Variants in ARHGEF7 observed in about 807,000 individuals in gnomAD.
ARHGEF7 encodes Rho guanine nucleotide exchange factor 7, also known as PAK-interacting exchange factor beta.
Under a neutral mutation model 109.8 loss-of-function variants are expected in ARHGEF7, and 33 were observed. That is an observed-to-expected ratio of 0.30 (90% CI 0.23 to 0.40). The LOEUF (loss-of-function observed/expected upper bound fraction) is 0.40, where lower values mean the gene tolerates loss of function less well. Ranked by LOEUF, ARHGEF7 falls within the 10% of genes least tolerant of loss-of-function variation. The pLI is 1.00. For missense variants in ARHGEF7, 938 were observed against 1,098.5 expected (o/e 0.85, Z 2.07); for synonymous variants, 458 against 424.6 (o/e 1.08, Z -0.97).
At chr13:111,299,030 A>G (rs2093492440) in intron 19 of ARHGEF7, among the ~76,000 whole-genome samples, 1 of 152,156 alleles carries the variant, frequency 6.6e-6, no homozygotes, top group Non-Finnish European at 1.5e-5. Flanking sequence ...CTTTCCCAGG[A>G]CGTCATCTTA....
rs1047325061 is a variant in ARHGEF7 at position 111,272,327 on chromosome 13, C to T, written c.1074-1487C>T. 2.0e-5 allele frequency among the ~76,000 whole-genome samples: 3 copies of T among 152,158 alleles called. No individual in the cohort carries two copies. The highest frequency in any genetic ancestry group is 6.5e-5 in the Admixed American group (1 of 15,282). ...TTAGCCAAAACACTGTCTGTCTTTT[C>T]CCCGGGAGCCCTTGATGGTTCTGGT... On this transcript the variant is annotated intron_variant, in intron 9 of 21. Transcript: ENST00000646102. The surrounding 1 kb of genome is among the most constrained non-coding windows in gnomAD (Gnocchi z 5.2).
chr13:111,123,862 G>GGCCCCCCCCCCCC (rs1555339507), intron 1 of ARHGEF7, among the ~76,000 whole-genome samples: 1 of 110,142 alleles, frequency 9.1e-6, no homozygotes. Context: ...GGTGGGCTGC[G>GGCCCCCCCCCCCC]CCCCCCCCCC....
intron 2 of ARHGEF7, among the ~76,000 whole-genome samples, chr13:111,174,913 G>C (rs1404116440): frequency 2.0e-5 from 3 of 152,238 alleles, no homozygotes; most frequent in African/African-American, 7.2e-5. Context: ...ATGTGCTTGT[G>C]CGTGTCGGGT....
intron 1 of ARHGEF7, chr13:111,144,785 CGTT>C (rs1566622770): frequency 1.3e-5 from 2 of 152,132 alleles, no homozygotes; most frequent in Admixed American, 6.5e-5. Flanking sequence ...GGGGGAGTCA[CGTT>C]GGCCTGAGGG....
chr13:111,156,256 G>A (rs2076323481), intron 2 of ARHGEF7, among the ~76,000 whole-genome samples: 1 of 152,136 alleles, frequency 6.6e-6, no homozygotes, highest in African/African-American at 2.4e-5. Flanking sequence ...AATAGTGCTT[G>A]GCACATAATA....
chr13:111,253,773 C>A (rs940547603), intron 8 of ARHGEF7, among the ~76,000 whole-genome samples: 1 of 152,186 alleles, frequency 6.6e-6, no homozygotes, highest in Non-Finnish European at 1.5e-5. Flanking sequence ...GTGCTTTCCC[C>A]ACCCCGGGTC....
intron 6 of ARHGEF7, chr13:111,241,399 G>C (rs532117799): frequency 1.3e-6 from 2 of 1,514,952 alleles, no homozygotes; most frequent in African/African-American, 2.7e-5. Context: ...GGCAGAGGGA[G>C]TGGGCACCCC....
At chr13:111,176,086 G>A (rs1056941069) in intron 2 of ARHGEF7, among the ~76,000 whole-genome samples, 1 of 152,178 alleles carries the variant, frequency 6.6e-6, no homozygotes, top group Non-Finnish European at 1.5e-5. Flanking sequence ...TAGAAGTCAA[G>A]ATAAAGAGTT....
chr13:111,299,532 C>A (rs538667604), intron 19 of ARHGEF7, among the ~76,000 whole-genome samples: 1 of 151,754 alleles, frequency 6.6e-6, no homozygotes, highest in Non-Finnish European at 1.5e-5. Flanking sequence ...TTAGTAGAGA[C>A]GGGGTTTCAC....
At chr13:111,279,938 T>C (rs983770544) in intron 13 of ARHGEF7, among the ~76,000 whole-genome samples, 2 of 152,252 alleles carry the variant, frequency 1.3e-5, no homozygotes, top group South Asian at 2.1e-4. Flanking sequence ...ACAACTGTTA[T>C]ACACGGTAGT....
intron 5 of ARHGEF7, among the ~76,000 whole-genome samples, chr13:111,219,091 C>T (rs2083495892): frequency 6.6e-6 from 1 of 152,134 alleles, no homozygotes; most frequent in Non-Finnish European, 1.5e-5. Flanking sequence ...TAGGTACATT[C>T]ACAGTTTTAT....
chr13:111,278,125 T>G (rs1014455164), intron 13 of ARHGEF7, among the ~76,000 whole-genome samples: 1 of 152,190 alleles, frequency 6.6e-6, no homozygotes, highest in African/African-American at 2.4e-5. Context: ...TAAGTAGCAG[T>G]GTGTGATCGT....
intron 1 of ARHGEF7, among the ~76,000 whole-genome samples, chr13:111,127,860 AAAGAT>A (rs1430970084): frequency 4.6e-5 from 7 of 152,250 alleles, no homozygotes; most frequent in South Asian, 2.1e-4. Flanking sequence ...ATTACATGTA[AAAGAT>A]AAGATATCAT....
intron 1 of ARHGEF7, among the ~76,000 whole-genome samples, chr13:111,137,221 A>G (rs895779864): frequency 1.3e-5 from 2 of 152,362 alleles, no homozygotes; most frequent in Admixed American, 6.5e-5. Context: ...TGGAAAAGAG[A>G]GAATCCTCCC....
chr13:111,184,995 C>G (rs2079105822), intron 2 of ARHGEF7: 1 of 152,086 alleles, frequency 6.6e-6, no homozygotes, highest in African/African-American at 2.4e-5. Context: ...GATTTCGCTT[C>G]TGGGTAGAAT....
intron 5 of ARHGEF7, among the ~76,000 whole-genome samples, chr13:111,226,314 G>A (rs1048471477): frequency 3.3e-5 from 5 of 152,210 alleles, no homozygotes; most frequent in Non-Finnish European, 5.9e-5. Flanking sequence ...ACGTGCTGAC[G>A]GAGAAGCTGC....
intron 9 of ARHGEF7, among the ~76,000 whole-genome samples, chr13:111,269,399 T>G (rs2091951464): frequency 6.6e-6 from 1 of 152,210 alleles, no homozygotes; most frequent in Non-Finnish European, 1.5e-5. Context: ...ACTGTTAGTT[T>G]CCTAAAATGC....
intron 8 of ARHGEF7, 82 bp from the exon 9 acceptor site, chr13:111,267,466 C>CA: frequency 6.4e-7 from 1 of 1,568,512 alleles, no homozygotes; most frequent in East Asian, 2.3e-5. Context: ...TTTCCTTACT[C>CA]AGAGTATTAT....
chr13:111,214,085 C>A (rs1409035460), intron 4 of ARHGEF7, among the ~76,000 whole-genome samples: 1 of 152,198 alleles, frequency 6.6e-6, no homozygotes, highest in Non-Finnish European at 1.5e-5. Flanking sequence ...AGCTGCCTGC[C>A]CCCTGTACCC....
Sources: gnomAD v4.1 joint callset for allele counts (sites outside exome capture counted in the v4.1 genomes callset) on GRCh38, gnomAD v4.1.1 for gene constraint, Gnocchi (gnomAD v3.1) non-coding constraint, MANE v1.5 for transcripts, NCBI Gene and HGNC (gene_info 2026-07-23, HGNC 2026-07-21) for gene names.